Variants in GDA observed in about 807,000 individuals in gnomAD.
GDA encodes cytoplasmic PSD-95 interactor.
Under a neutral mutation model 59.6 loss-of-function variants are expected in GDA, and 18 were observed. The observed-to-expected ratio is 0.30, with a 90% CI of 0.21 to 0.45. The LOEUF (loss-of-function observed/expected upper bound fraction) is 0.45. Among genes scored for constraint, GDA ranks in the 20% least tolerant of loss-of-function variants. The pLI, the probability that GDA is intolerant of heterozygous loss-of-function variation, is 1.00. For missense variants in GDA, 427 were observed against 552.3 expected (o/e 0.77, Z 2.27); for synonymous variants, 201 against 201.1 (o/e 1.00, Z 0.00).
intron 3 of GDA, among the ~76,000 whole-genome samples, chr9:72,205,561 T>A (rs1401648941): frequency 6.6e-6 from 1 of 152,154 alleles, no homozygotes; most frequent in African/African-American, 2.4e-5. Flanking sequence ...GCAGGCAGCA[T>A]TTAAGACAGA....
At chr9:72,128,214 C>T (rs1825910673) in intron 1 of GDA, among the ~76,000 whole-genome samples, 1 of 147,054 alleles carries the variant, frequency 6.8e-6, no homozygotes, top group Non-Finnish European at 1.5e-5. Context: ...CTATTACTAT[C>T]ATATTTATAA....
Position 72,168,390 on chromosome 9 carries a change from C to CTTT in GDA, c.123+18728_123+18730dup, listed in dbSNP as rs77778231. ...ACTGGGCAACACACTGAGACTTTGT[C>CTTT]TTTTTTTTTTTTTTTTTTTTTTGAG... is the stretch of plus-strand genomic sequence containing the variant. On this transcript the variant is annotated intron_variant, in intron 1 of 13. Coordinates refer to ENST00000358399, the MANE Select transcript of GDA (RefSeq NM_004293.5). Among the ~76,000 whole-genome samples, 212 of 105,816 alleles carry CTTT rather than the reference C, an allele frequency of 2.0e-3. 1 individual carries two copies. Among genetic ancestry groups the CTTT allele is most frequent in the Non-Finnish European group, 2.7e-3 (149 of 54,312 alleles). The allele number at this position is 105,816 out of a possible 152,430, so 69.4% of individuals were successfully genotyped here. A position where few individuals can be genotyped will look rare whatever the true frequency, so the allele number is the denominator to read the frequency against.
chr9:72,116,232 C>CA (rs34017917), intron 1 of GDA, among the ~76,000 whole-genome samples: 67,296 of 147,238 alleles, frequency 0.46, 17,179 homozygotes, highest in Non-Finnish European at 0.58. Context: ...GAAACTGTCT[C>CA]AAAAAAAAAA....
chr9:72,249,239 T>A lies in GDA; in HGVS notation c.*897T>A. The stretch of plus-strand genomic sequence containing the variant: ...AGTCTTCGTGAACTGGGGCAAATGC[T>A]GGCATCCAGGAGCCGCCAATACTAA... On this transcript the variant is annotated 3_prime_UTR_variant, in exon 14 of 14. Coordinates refer to ENST00000358399, the MANE Select transcript of GDA (RefSeq NM_004293.5). 1 of 985,258 alleles carries A rather than the reference T, an allele frequency of 1.0e-6. No individual in the cohort carries two copies. Among genetic ancestry groups the A allele is most frequent in the Non-Finnish European group, 1.2e-6 (1 of 829,772 alleles). 61.0% of individuals were successfully genotyped at this position (985,258 alleles called of 1,614,324 possible).
intron 1 of GDA, among the ~76,000 whole-genome samples, chr9:72,158,872 C>CCATCATCATCATCAT (rs113332500): frequency 6.6e-6 from 1 of 150,624 alleles, no homozygotes; most frequent in Admixed American, 6.6e-5. Context: ...GGTAAGGACA[C>CCATCATCATCATCAT]CATCATCATC....
At chr9:72,245,380 G>T in intron 12 of GDA, 102 bp downstream of exon 12, 1 of 812,926 alleles carries the variant, frequency 1.2e-6, no homozygotes. Context: ...TTAATGGAAT[G>T]CAGGAAAATC....
intron 1 of GDA, among the ~76,000 whole-genome samples, chr9:72,135,223 T>G (rs1341190339): frequency 8.5e-6 from 1 of 117,640 alleles, no homozygotes; most frequent in Non-Finnish European, 1.6e-5. Flanking sequence ...CCTACGTACG[T>G]GTGTGTGTGT....
chr9:72,155,826 C>T (rs1197840620), intron 1 of GDA, among the ~76,000 whole-genome samples: 1 of 152,096 alleles, frequency 6.6e-6, no homozygotes, highest in East Asian at 1.9e-4. Context: ...CCTAAGAGTA[C>T]CTCTATCACT....
In GDA at chr9:72,249,162, T is replaced by C; in HGVS notation, c.*820T>C. 1.0e-6 allele frequency: 1 copy of C among 982,636 alleles called. No individual in the cohort carries two copies. Among genetic ancestry groups the C allele is most frequent in the Non-Finnish European group, 1.2e-6 (1 of 827,276 alleles). The allele number at this position is 982,636 out of a possible 1,614,324, so 60.9% of individuals were successfully genotyped here. A position where few individuals can be genotyped will look rare whatever the true frequency, so the allele number is the denominator to read the frequency against. On this transcript the variant is annotated 3_prime_UTR_variant, in exon 14 of 14. Transcript: ENST00000358399. The stretch of plus-strand genomic sequence containing the variant: ...TAACTGTGAGATGTTATTGCTTCCA[T>C]TTTATTAGAAGAGAAACAAATTCCA...
chr9:72,180,775 A>T (rs911064132), intron 1 of GDA, among the ~76,000 whole-genome samples: 21 of 152,240 alleles, frequency 1.4e-4, no homozygotes, highest in Admixed American at 9.8e-4. Flanking sequence ...TTAGGAAAAA[A>T]AAATAAATTA....
chr9:72,183,389 G>C (rs1469345728), intron 1 of GDA, among the ~76,000 whole-genome samples: 1 of 151,956 alleles, frequency 6.6e-6, no homozygotes, highest in Non-Finnish European at 1.5e-5. Flanking sequence ...AGCCTTGACT[G>C]CTCCCTTAGC....
At chr9:72,235,734 A>G (rs370057417) in intron 10 of GDA, among the ~76,000 whole-genome samples, 2 of 152,150 alleles carry the variant, frequency 1.3e-5, no homozygotes, top group East Asian at 3.8e-4. Flanking sequence ...AGAATTGCAC[A>G]TATTTTACTT....
rs943431277 is a variant in GDA, at chr9:72,224,551, G to T, written c.715-1126G>T. On this transcript the variant is annotated intron_variant, in intron 7 of 13. Coordinates refer to ENST00000358399, the MANE Select transcript of GDA (RefSeq NM_004293.5). ...GGGCATAGGACTTATTGTTTTGCTT[G>T]CATGTGGATTCTTATGGGCTGTTTC... 2.0e-5 allele frequency among the ~76,000 whole-genome samples: 3 copies of T among 152,198 alleles called. No homozygotes were observed. In the South Asian group the frequency reaches 6.2e-4, roughly 32 times the overall value.
In GDA at chr9:72,245,988, T is replaced by C. The variant is rs562019070; in HGVS notation, c.1266+710T>C. On this transcript the variant is annotated intron_variant, in intron 12 of 13. Transcript: ENST00000358399. ...GTGAGAGTAATTGCGATAATAAATA[T>C]GTTAAAGATTTTAAAAGAAAAATTC... Among the ~76,000 whole-genome samples the C allele has an allele frequency of 3.3e-3, 497 of 152,304 alleles. 2 individuals carry two copies. Among genetic ancestry groups the C allele is most frequent in the African/African-American group, 0.011 (460 of 41,556 alleles).
chr9:72,163,170 G>A (rs1331521771), intron 1 of GDA, among the ~76,000 whole-genome samples: 1 of 152,124 alleles, frequency 6.6e-6, no homozygotes, highest in Non-Finnish European at 1.5e-5. Flanking sequence ...ACAAAAATGG[G>A]TACAGAGGAA....
At position 72,245,287 on chromosome 9, in the gene GDA, A is replaced by G. The variant is rs574375993; in HGVS notation, c.1266+9A>G. 1.0e-5 allele frequency: 16 copies of G among 1,600,402 alleles called. No homozygotes were observed. In the African/African-American group the frequency reaches 2.1e-4, roughly 21 times the overall value. On this transcript the variant is annotated intron_variant, in intron 12 of 13. Coordinates refer to ENST00000358399, the MANE Select transcript of GDA (RefSeq NM_004293.5). ...TTGGTGATATTTCTGAGGTAAGTAA[A>G]AGAAAGTTAATCAAAAGGCATTTAT...
At chr9:72,200,137 A>G (rs1322996048) in intron 2 of GDA, among the ~76,000 whole-genome samples, 1 of 151,422 alleles carries the variant, frequency 6.6e-6, no homozygotes, top group Non-Finnish European at 1.5e-5. Context: ...AGCTGGGACT[A>G]CAGGCGCCTG....
chr9:72,209,966 C>G (rs904793776), intron 3 of GDA, among the ~76,000 whole-genome samples: 3 of 152,128 alleles, frequency 2.0e-5, no homozygotes, highest in African/African-American at 7.2e-5. Flanking sequence ...CTTGTACCCT[C>G]TAAATACTAT....
At chr9:72,202,894 T>G in intron 3 of GDA, 152 bp downstream of exon 3, 1 of 467,532 alleles carries the variant, frequency 2.1e-6, no homozygotes, top group Non-Finnish European at 3.7e-6. Context: ...TCCAGTGAGT[T>G]TGTGACCACC....
Sources: allele counts gnomAD v4.1 joint callset (sites outside exome capture counted in the v4.1 genomes callset), GRCh38; gene constraint gnomAD v4.1.1; transcripts MANE v1.5; gene names NCBI Gene and HGNC (gene_info 2026-07-23, HGNC 2026-07-21).